Variants in SPATA13 observed in about 807,000 individuals in gnomAD.
SPATA13 encodes the protein spermatogenesis associated 13, also known as spermatogenesis-associated protein 13.
In SPATA13, 50 loss-of-function variants were observed where a neutral mutation model predicts 104.0. The ratio of observed to expected loss-of-function variants is 0.48; its 90% CI spans 0.38 to 0.61. The LOEUF (loss-of-function observed/expected upper bound fraction) is 0.61. Among genes scored for constraint, SPATA13 ranks in the 20% least tolerant of loss-of-function variants. SPATA13 has a pLI of 0.00. For synonymous variants in SPATA13, 606 were observed against 667.5 expected, an observed-to-expected ratio of 0.91 and a Z score of 1.42; for missense variants, 1,524 against 1,690.6, an observed-to-expected ratio of 0.90 and a Z score of 1.73.
chr13:24,134,960 G>A (rs1384620742), intron 3 of SPATA13, among the ~76,000 whole-genome samples: 2 of 152,196 alleles, frequency 1.3e-5, no homozygotes, highest in African/African-American at 4.8e-5. Context: ...TAAAAAAGTG[G>A]AGACTTAGAC....
At chr13:24,253,295 G>C (rs1025470645) in intron 4 of SPATA13, 1 of 152,164 alleles carries the variant, frequency 6.6e-6, no homozygotes, top group African/African-American at 2.4e-5. Flanking sequence ...TCCAAAGAGT[G>C]TTATTCTAAT....
intron 3 of SPATA13, among the ~76,000 whole-genome samples, chr13:24,096,749 G>A (rs2137797255): frequency 6.6e-6 from 1 of 152,230 alleles, no homozygotes; most frequent in Non-Finnish European, 1.5e-5. Flanking sequence ...CCAAGCAGAG[G>A]CTGCCCCAGG....
chr13:24,137,530 C>T (rs562901093), intron 3 of SPATA13, among the ~76,000 whole-genome samples: 3 of 152,210 alleles, frequency 2.0e-5, no homozygotes, highest in Admixed American at 1.3e-4. Context: ...GAGGCTGAGG[C>T]GGGAGGATCA....
rs575679356 is a variant in SPATA13, at chr13:24,301,647, G to A, written c.3659-951G>A. Among the ~76,000 whole-genome samples the A allele has an allele frequency of 1.6e-3, 238 of 152,302 alleles. 2 individuals are homozygous for A. The highest frequency in any genetic ancestry group is 5.3e-3 in the African/African-American group (220 of 41,560). ...CTGATTTCTTCCTTCCTGCCACCTCGGGAGGTAGGGAGAGCCTTCTGGCAG... is the reference window on the plus strand; with the variant it reads ...CTGATTTCTTCCTTCCTGCCACCTCAGGAGGTAGGGAGAGCCTTCTGGCAG... On this transcript the variant is annotated intron_variant, in intron 12 of 12. Coordinates refer to ENST00000382108, the MANE Select transcript of SPATA13 (RefSeq NM_001166271.3).
intron 3 of SPATA13, among the ~76,000 whole-genome samples, chr13:24,089,725 G>A (rs1183014674): frequency 1.3e-5 from 2 of 152,196 alleles, no homozygotes; most frequent in African/African-American, 2.4e-5. Flanking sequence ...ATTTCACTGG[G>A]TGCTTTACCC....
chr13:24,112,187 A>G (rs1394849792), intron 3 of SPATA13, among the ~76,000 whole-genome samples: 4 of 152,168 alleles, frequency 2.6e-5, no homozygotes, highest in African/African-American at 9.7e-5. Context: ...CTTCTTGCAA[A>G]GCTGAGTTAT....
Position 24,224,316 on chromosome 13 carries a change from C to T in SPATA13, c.1387C>T (p.Pro463Ser), listed in dbSNP as rs926328533. ...ATTTGACCCTGAGCAGCCTCCCACC[C>T]CTCTAAGGCCCACCACACCCAAGCC... is the stretch of plus-strand genomic sequence containing the variant. ...LTFDPEQPPT[P>S]LRPTTPKPQS... The change falls in exon 2 of 13, where the codon CCT becomes TCT. Residue 463 changes from proline (P) to serine (S), a missense_variant. By Grantham distance (74) the Pro-to-Ser change is moderately conservative (BLOSUM62 -1). Coordinates refer to ENST00000382108, the MANE Select transcript of SPATA13 (RefSeq NM_001166271.3). 6.4e-7 allele frequency: 1 copy of T among 1,551,766 alleles called. No homozygotes were observed. Among genetic ancestry groups the T allele is most frequent in the Non-Finnish European group, 8.7e-7 (1 of 1,147,006 alleles).
At chr13:24,169,533 T>C (rs1282897291) in intron 1 of SPATA13, among the ~76,000 whole-genome samples, 4 of 152,208 alleles carry the variant, frequency 2.6e-5, no homozygotes, top group Admixed American at 2.6e-4. Flanking sequence ...AGCAGACACC[T>C]TCTCCAGACT....
rs548309549 is a variant in SPATA13, at chr13:23,996,653, G to A, written c.-147+12720G>A. Among the ~76,000 whole-genome samples the A allele has an allele frequency of 2.1e-5, 3 of 140,646 alleles. No individual in the cohort carries two copies. In the South Asian group the frequency reaches 6.5e-4, roughly 30 times the overall value. The allele number at this position is 140,646 out of a possible 152,430, so 92.3% of individuals were successfully genotyped here. A position where few individuals can be genotyped will look rare whatever the true frequency, so the allele number is the denominator to read the frequency against. On this transcript the variant is annotated intron_variant, in intron 2 of 14. Coordinates refer to the SPATA13 transcript ENST00000424834. ...GATTTGGCTACTGATTAAAAGAGTA[G>A]CTTACAGGAGGATGTTTACACATCA...
rs9580833 is a variant in SPATA13 at position 24,037,640 on chromosome 13, C to G, written c.-112+19939C>G. Among the ~76,000 whole-genome samples the G allele has an allele frequency of 1.8e-3, 269 of 152,134 alleles. 2 individuals are homozygous for G. The highest frequency in any genetic ancestry group is 6.3e-3 in the African/African-American group (260 of 41,512). ...GGCCACGGTGGTCTCAATCTCCTGA[C>G]CTCGTGATCCACCTGCCTCGGCCTT... On this transcript the variant is annotated intron_variant, in intron 3 of 14. Transcript: ENST00000424834.
At chr13:24,126,541 G>C (rs34832306) in intron 3 of SPATA13, among the ~76,000 whole-genome samples, 83,454 of 151,746 alleles carry the variant, frequency 0.55, 23,147 homozygotes, top group South Asian at 0.6. Context: ...ATATTTGTGT[G>C]TGTGTGAGAG....
intron 3 of SPATA13, among the ~76,000 whole-genome samples, chr13:24,041,356 C>T (rs1278766680): frequency 6.6e-6 from 1 of 152,236 alleles, no homozygotes; most frequent in Non-Finnish European, 1.5e-5. Flanking sequence ...AGCTCATTTT[C>T]CCTATTGACA....
At position 24,088,664 on chromosome 13, in the gene SPATA13, C is replaced by T. The variant is rs534399041; in HGVS notation, c.-112+70963C>T. Among the ~76,000 whole-genome samples, 2 of 152,348 alleles carry T rather than the reference C, an allele frequency of 1.3e-5. No individual in the cohort carries two copies. The highest frequency in any genetic ancestry group is 4.8e-5 in the African/African-American group (2 of 41,578). ...ATAAAAAAATCAAAGCTCAGAATCA[C>T]TGCCTTCCAGAAGGTGTATAGTAGA... On this transcript the variant is annotated intron_variant, in intron 3 of 14. Transcript: ENST00000424834. This position sits in a 1 kb window ranked among gnomAD's most constrained non-coding sequence, Gnocchi z 4.3.
intron 1 of SPATA13, among the ~76,000 whole-genome samples, chr13:24,173,499 C>T (rs377038701): frequency 2.7e-5 from 4 of 147,140 alleles, no homozygotes; most frequent in African/African-American, 7.6e-5. Context: ...TTTATTCCCC[C>T]CCGTCCCCCA....
chr13:24,060,680 T>C (rs1334348227), intron 3 of SPATA13, among the ~76,000 whole-genome samples: 1 of 141,286 alleles, frequency 7.1e-6, no homozygotes, highest in African/African-American at 2.5e-5. Flanking sequence ...GTGCAAACTA[T>C]GCCTCTGACA....
chr13:24,245,589 T>C (rs1873082995), intron 2 of SPATA13, among the ~76,000 whole-genome samples: 1 of 143,244 alleles, frequency 7.0e-6, no homozygotes, highest in Non-Finnish European at 1.5e-5. Flanking sequence ...TGTTTCTTTT[T>C]TTTTTTTTTT....
intron 3 of SPATA13, among the ~76,000 whole-genome samples, chr13:24,024,964 A>G (rs954592063): frequency 1.3e-5 from 2 of 149,820 alleles, no homozygotes; most frequent in African/African-American, 2.4e-5. Flanking sequence ...ATAAATATAT[A>G]TATAAACACA....
chr13:24,128,646 C>A (rs1353676289), intron 3 of SPATA13, among the ~76,000 whole-genome samples: 2 of 151,642 alleles, frequency 1.3e-5, no homozygotes, highest in African/African-American at 2.4e-5. Context: ...TGTGGACAGG[C>A]CTTGTTGTGG....
chr13:23,980,379 G>T (rs898549078), intron 1 of SPATA13, among the ~76,000 whole-genome samples: 1 of 152,184 alleles, frequency 6.6e-6, no homozygotes, highest in Non-Finnish European at 1.5e-5. Flanking sequence ...GAAATCTCCC[G>T]GTGCTCAGCG....
Sources: gnomAD v4.1 joint callset for allele counts (sites outside exome capture counted in the v4.1 genomes callset) on GRCh38, gnomAD v4.1.1 for gene constraint, Gnocchi (gnomAD v3.1) non-coding constraint, MANE v1.5 for transcripts, NCBI Gene and HGNC (gene_info 2026-07-23, HGNC 2026-07-21) for gene names.